The following CXADR variants were observed in gnomAD, a reference collection of about 807,000 sequenced individuals.
The protein encoded by CXADR is CXADR cell adhesion molecule, also known as coxsackievirus and adenovirus receptor.
Under a neutral mutation model 40.3 loss-of-function variants are expected in CXADR, and 20 were observed. That is an observed-to-expected ratio of 0.50 (90% CI 0.35 to 0.72). The LOEUF is 0.72. Ranked by LOEUF, CXADR falls within the 30% of genes least tolerant of loss-of-function variation. The pLI is 0.01. For synonymous variants in CXADR, 150 were observed against 161.3 expected (o/e 0.93, Z 0.53); for missense variants, 332 against 449.1 (o/e 0.74, Z 2.36).
At chr21:17,523,183 G>A (rs980513741) in intron 1 of CXADR, among the ~76,000 whole-genome samples, 1 of 152,106 alleles carries the variant, frequency 6.6e-6, no homozygotes, top group Non-Finnish European at 1.5e-5. Context: ...TATCAAGCAT[G>A]CCGATACTGT....
At chr21:17,546,627 C>G (rs1375657503) in intron 1 of CXADR, among the ~76,000 whole-genome samples, 5 of 152,198 alleles carry the variant, frequency 3.3e-5, no homozygotes. Context: ...CACCAGGCCT[C>G]TCTTCCAACA....
the CXADR span, among the ~76,000 whole-genome samples, chr21:17,626,473 T>C: frequency 6.6e-6 from 1 of 152,182 alleles, no homozygotes; most frequent in Non-Finnish European, 1.5e-5. Context: ...TCAACATTTT[T>C]TTTTTCTTTA....
the CXADR span, among the ~76,000 whole-genome samples, chr21:17,628,722 C>T: frequency 6.6e-6 from 1 of 152,100 alleles, no homozygotes; most frequent in Non-Finnish European, 1.5e-5. Context: ...AGACTGGTCT[C>T]GAACTCCTGA....
chr21:17,571,669 C>T (rs558352640), downstream of CXADR, among the ~76,000 whole-genome samples: 1 of 152,216 alleles, frequency 6.6e-6, no homozygotes, highest in South Asian at 2.1e-4. Flanking sequence ...GCCGGTATTT[C>T]CAAAATGTAA....
At chr21:17,599,475 ATTTTTTTTT>A in the CXADR span, among the ~76,000 whole-genome samples, 3 of 117,246 alleles carry the variant, frequency 2.6e-5, no homozygotes, top group African/African-American at 9.9e-5. Flanking sequence ...CCACTGGCTG[ATTTTTTTTT>A]TTTTTTTTTT....
intron 4 of CXADR, 102 bp downstream of exon 4, chr21:17,559,233 G>T: frequency 4.1e-6 from 5 of 1,216,322 alleles, no homozygotes; most frequent in Non-Finnish European, 5.9e-6. Context: ...CTGTCACCCA[G>T]GCTCACTGCA....
Position 17,569,031 on chromosome 21 carries a change from G to A in CXADR, c.*3339G>A. 1.0e-6 allele frequency: 1 copy of A among 985,152 alleles called. No individual in the cohort carries two copies. Among genetic ancestry groups the A allele is most frequent in the Non-Finnish European group, 1.2e-6 (1 of 829,806 alleles). 61.0% of individuals were successfully genotyped at this position (985,152 alleles called of 1,614,324 possible). On this transcript the variant is annotated 3_prime_UTR_variant, in exon 7 of 7. Transcript: ENST00000284878. ...ATTTAAGAGTTAATCTTGGAAATTT[G>A]GAACAAGTAAAGGGGCAAGTAAACC... is the stretch of plus-strand genomic sequence containing the variant.
At chr21:17,564,630 T>C (rs773766748) in intron 6 of CXADR, among the ~76,000 whole-genome samples, 50 of 152,116 alleles carry the variant, frequency 3.3e-4, no homozygotes, top group Non-Finnish European at 4.7e-4. Flanking sequence ...TATGCCTAAA[T>C]TCCCAGCAAA....
intron 1 of CXADR, among the ~76,000 whole-genome samples, chr21:17,519,652 C>T (rs1443976199): frequency 6.6e-6 from 1 of 152,184 alleles, no homozygotes; most frequent in Non-Finnish European, 1.5e-5. Context: ...TGTCAGCCTT[C>T]CTTATAGTTT....
chr21:17,541,117 G>A (rs1343888264), intron 1 of CXADR, among the ~76,000 whole-genome samples: 2 of 151,970 alleles, frequency 1.3e-5, no homozygotes, highest in Non-Finnish European at 2.9e-5. Flanking sequence ...TGATGAACCC[G>A]TATTGACATA....
At chr21:17,616,956 C>T in the CXADR span, among the ~76,000 whole-genome samples, 1 of 152,208 alleles carries the variant, frequency 6.6e-6, no homozygotes, top group African/African-American at 2.4e-5. Flanking sequence ...TCCGTTACAT[C>T]ATGCCATAAA....
downstream of CXADR, chr21:17,594,367 G>C: frequency 6.3e-7 from 1 of 1,579,208 alleles, no homozygotes; most frequent in Non-Finnish European, 8.6e-7. Flanking sequence ...TTAATTCAAA[G>C]GAAAAAATCA....
chr21:17,519,126 C>G (rs2060497444), intron 1 of CXADR: 4 of 700,180 alleles, frequency 5.7e-6, no homozygotes, highest in Non-Finnish European at 7.6e-6. Flanking sequence ...AAAATGCCTC[C>G]CCTCCAAGGC....
At chr21:17,539,245 C>T (rs2060797617) in intron 1 of CXADR, among the ~76,000 whole-genome samples, 1 of 152,088 alleles carries the variant, frequency 6.6e-6, no homozygotes, top group Non-Finnish European at 1.5e-5. Context: ...GCCACTGGTC[C>T]CCCTGCCTCC....
At chr21:17,598,153 A>T (rs1183062886), downstream of CXADR, among the ~76,000 whole-genome samples, 1 of 152,182 alleles carries the variant, frequency 6.6e-6, no homozygotes, top group African/African-American at 2.4e-5. Flanking sequence ...TGACTTTTCA[A>T]CTAGTAAAGC....
intron 7 of CXADR, among the ~76,000 whole-genome samples, chr21:17,580,354 A>G (rs144264781): frequency 4.5e-4 from 69 of 152,290 alleles, no homozygotes; most frequent in Non-Finnish European, 8.1e-4. Flanking sequence ...CGTGTTGGCT[A>G]ACACCTATAA....
chr21:17,596,875 C>G (rs896827938), downstream of CXADR, among the ~76,000 whole-genome samples: 1 of 152,006 alleles, frequency 6.6e-6, no homozygotes, highest in Non-Finnish European at 1.5e-5. Context: ...ATGAATAATT[C>G]TTTATCCCCT....
chr21:17,528,068 C>CTTTTTTTTTTTTTT (rs35477813), intron 1 of CXADR, among the ~76,000 whole-genome samples: 4 of 78,352 alleles, frequency 5.1e-5, no homozygotes, highest in Admixed American at 2.0e-4. Context: ...TTAGTTCTTT[C>CTTTTTTTTTTTTTT]TTTTTTTTTT....
At chr21:17,580,826 C>T (rs1426619765) in intron 7 of CXADR, among the ~76,000 whole-genome samples, 1 of 152,140 alleles carries the variant, frequency 6.6e-6, no homozygotes, top group Admixed American at 6.5e-5. Context: ...TCATGGCTCA[C>T]TGCAGCCTCA....
Sources: allele counts gnomAD v4.1 joint callset (sites outside exome capture counted in the v4.1 genomes callset), GRCh38; gene constraint gnomAD v4.1.1; transcripts MANE v1.5; gene names NCBI Gene and HGNC (gene_info 2026-07-23, HGNC 2026-07-21).